Variants in LARS1 observed in about 807,000 individuals in gnomAD.
LARS1 encodes the protein leucyl-tRNA synthetase 1, also known as leucine--tRNA ligase, cytoplasmic.
LARS1 carries 100 observed loss-of-function variants against 162.8 expected under a neutral mutation model. That is an observed-to-expected ratio of 0.61 (90% CI 0.52 to 0.73). LARS1 has a LOEUF of 0.73. Ranked by LOEUF, LARS1 falls within the 30% of genes least tolerant of loss-of-function variation. The pLI is 0.00. For missense variants in LARS1, 1,258 were observed against 1,408.9 expected (o/e 0.89, Z 1.71); for synonymous variants, 457 against 462.8 (o/e 0.99, Z 0.16).
intron 4 of LARS1, among the ~76,000 whole-genome samples, chr5:146,169,215 G>C (rs1754151884): frequency 6.6e-6 from 1 of 152,142 alleles, no homozygotes; most frequent in Admixed American, 6.5e-5. Context: ...AACAAACAGA[G>C]ATGAAGTGAT....
rs554858801 is a variant in LARS1 at position 146,152,023 on chromosome 5, G to C, written c.1285-21C>G. On this transcript the variant is annotated intron_variant, in intron 13 of 31. Transcript: ENST00000394434. ...GGCACCTGCAGCAAACAGCAATCAG[G>C]AACGTGTTCACACTGACTGGACACA... is the stretch of plus-strand genomic sequence containing the variant. 5.1e-5 allele frequency: 83 copies of C among 1,612,856 alleles called. 2 individuals are homozygous for C. In the Middle Eastern group the frequency reaches 1.6e-3, roughly 32 times the overall value.
chr5:146,136,482 A>ATT (rs35080569), intron 21 of LARS1, among the ~76,000 whole-genome samples: 3 of 141,662 alleles, frequency 2.1e-5, no homozygotes, highest in Non-Finnish European at 4.6e-5. Flanking sequence ...CAGATTACCT[A>ATT]TTTTTTTTTT....
chr5:146,123,028 C>A (rs1371075423), intron 29 of LARS1, among the ~76,000 whole-genome samples: 1 of 151,788 alleles, frequency 6.6e-6, no homozygotes, highest in Non-Finnish European at 1.5e-5. Context: ...CTGCATGGTC[C>A]AAGTGAAAAG....
In LARS1 at chr5:146,126,541, T is replaced by C. The variant is rs762913390; in HGVS notation, c.2885A>G (p.Asn962Ser). 51 of 1,608,054 alleles carry C rather than the reference T, an allele frequency of 3.2e-5. No individual in the cohort carries two copies. The highest frequency in any genetic ancestry group is 4.1e-5 in the Non-Finnish European group (48 of 1,175,168). ...LSVLRKHFEANNGKLPDNKVI... is the reference protein window; with the variant it reads ...LSVLRKHFEASNGKLPDNKVI... Reference sequence around the variant, plus strand: ...TTTGTTGTCAGGCAGTTTTCCGTTATTGGCCTAAGAAAAGGAAGGAGGGAG... The same window carrying C: ...TTTGTTGTCAGGCAGTTTTCCGTTACTGGCCTAAGAAAAGGAAGGAGGGAG... Residue 962 changes from asparagine to serine, a missense_variant, in exon 28 of 32, where the codon AAT becomes AGT. Asn to Ser is a conservative substitution (Grantham distance 46). Transcript: ENST00000394434.
Position 146,143,530 on chromosome 5 carries a change from C to T in LARS1, c.1759G>A (p.Glu587Lys). Reference protein sequence around the residue: ...YGLGTHLPWDEQWLIESLSDS... With the variant: ...YGLGTHLPWDKQWLIESLSDS... The stretch of plus-strand genomic sequence containing the variant: ...GAAAGTGATTCAATCAGCCACTGCT[C>T]ATCCCAAGGCAGGTGAGTGCCTGAA... Residue 587 changes from glutamate (E) to lysine (K), a missense_variant, in exon 19 of 32, where the codon GAG (glutamate) becomes AAG (lysine). Coordinates refer to ENST00000394434, the MANE Select transcript of LARS1 (RefSeq NM_020117.11). 1 of 1,613,766 alleles carries T rather than the reference C, an allele frequency of 6.2e-7. No homozygotes were observed. The highest frequency in any genetic ancestry group is 1.3e-5 in the African/African-American group (1 of 75,008).
intron 22 of LARS1, among the ~76,000 whole-genome samples, chr5:146,133,688 G>A (rs1326816486): frequency 2.9e-5 from 2 of 67,868 alleles, no homozygotes; most frequent in African/African-American, 5.0e-5. Flanking sequence ...ACACTATAGG[G>A]TTGCAAAAAA....
At chr5:146,176,631 T>C (rs1754593138) in intron 2 of LARS1, among the ~76,000 whole-genome samples, 1 of 152,154 alleles carries the variant, frequency 6.6e-6, no homozygotes, top group African/African-American at 2.4e-5. Context: ...TCTCAACATA[T>C]ATGAATCTGG....
intron 1 of LARS1, among the ~76,000 whole-genome samples, chr5:146,178,582 C>A (rs1754699022): frequency 1.3e-5 from 2 of 151,658 alleles, no homozygotes; most frequent in African/African-American, 4.8e-5. Flanking sequence ...CCATTGCACT[C>A]CAGCCTGGGC....
At chr5:146,130,251 T>G (rs373799044) in intron 24 of LARS1, 93 bp from the exon 25 acceptor site, 10 of 1,225,768 alleles carry the variant, frequency 8.2e-6, no homozygotes, top group Non-Finnish European at 1.1e-5. Flanking sequence ...AACACATTTT[T>G]AAGTTTCTAG....
At chr5:146,156,328 T>TA (rs924799803) in intron 10 of LARS1, among the ~76,000 whole-genome samples, 41 of 152,316 alleles carry the variant, frequency 2.7e-4, no homozygotes, top group African/African-American at 9.9e-4. Flanking sequence ...TTTTTCTTTT[T>TA]AAAAAATTAT....
At chr5:146,121,701 T>C (rs1751827320) in intron 30 of LARS1, among the ~76,000 whole-genome samples, 1 of 152,150 alleles carries the variant, frequency 6.6e-6, no homozygotes, top group South Asian at 2.1e-4. Context: ...CTGGAAACCA[T>C]CATTCTCCAC....
At chr5:146,151,500 G>T (rs975019456) in intron 14 of LARS1, among the ~76,000 whole-genome samples, 6 of 152,136 alleles carry the variant, frequency 3.9e-5, no homozygotes, top group African/African-American at 1.4e-4. Context: ...GAATAAAACT[G>T]CTTATCTAAA....
chr5:146,120,527 T>C (rs369836466), intron 30 of LARS1, 24 bp from the exon 31 acceptor site: 78 of 1,604,668 alleles, frequency 4.9e-5, no homozygotes, highest in African/African-American at 9.4e-5. Context: ...AAGAAAATGA[T>C]TGTTTAACTT....
At chr5:146,140,579 G>A (rs150119974) in intron 20 of LARS1, among the ~76,000 whole-genome samples, 1,704 of 152,312 alleles carry the variant, frequency 0.011, 26 homozygotes, top group African/African-American at 0.035. Flanking sequence ...AGGCCAAGGC[G>A]GGTGGATCAT....
intron 10 of LARS1, among the ~76,000 whole-genome samples, chr5:146,156,170 G>C (rs1033464261): frequency 5.3e-5 from 8 of 152,180 alleles, no homozygotes; most frequent in Non-Finnish European, 1.2e-4. Context: ...ACAAGACACA[G>C]ATATTACTAA....
chr5:146,129,213 T>C, intron 25 of LARS1, 95 bp from the exon 26 acceptor site: 2 of 1,091,398 alleles, frequency 1.8e-6, no homozygotes, highest in East Asian at 2.5e-5. Flanking sequence ...AAGGATACCA[T>C]CTGTAATTGT....
intron 14 of LARS1, among the ~76,000 whole-genome samples, chr5:146,150,504 G>A (rs946556761): frequency 5.3e-5 from 8 of 152,048 alleles, no homozygotes; most frequent in Admixed American, 4.6e-4. Flanking sequence ...GCAGGGGCCT[G>A]TAATCCCAGC....
At chr5:146,116,962 C>T (rs779288097) in intron 31 of LARS1, among the ~76,000 whole-genome samples, 1 of 152,198 alleles carries the variant, frequency 6.6e-6, no homozygotes, top group Non-Finnish European at 1.5e-5. Flanking sequence ...GATATCAAGG[C>T]ATCCTGAGGG....
chr5:146,181,749 G>T (rs191070544), intron 1 of LARS1, among the ~76,000 whole-genome samples: 8 of 147,698 alleles, frequency 5.4e-5, no homozygotes, highest in Admixed American at 4.7e-4. Context: ...GCATTTATCA[G>T]CACCTGACAC....
Sources: gnomAD v4.1 joint callset for allele counts (sites outside exome capture counted in the v4.1 genomes callset) on GRCh38, gnomAD v4.1.1 for gene constraint, MANE v1.5 for transcripts, NCBI Gene and HGNC (gene_info 2026-07-23, HGNC 2026-07-21) for gene names.